Variants in NRXN1 observed in about 807,000 individuals in gnomAD.
The protein encoded by NRXN1 is neurexin 1, also known as neurexin-1.
Under a neutral mutation model 150.9 loss-of-function variants are expected in NRXN1, and 39 were observed. That is an observed-to-expected ratio of 0.26 (90% CI 0.20 to 0.34). The LOEUF is 0.34. Ranked by LOEUF, NRXN1 falls within the 10% of genes least tolerant of loss-of-function variation. The probability of loss-of-function intolerance (pLI) is 1.00; values close to 1 mark genes in which losing one functional copy is unlikely to be tolerated. For missense variants in NRXN1, 1,815 were observed against 1,949.9 expected, an observed-to-expected ratio of 0.93 and a Z score of 1.30; for synonymous variants, 924 against 757.0, an observed-to-expected ratio of 1.22 and a Z score of -3.62.
intron 5 of NRXN1, among the ~76,000 whole-genome samples, chr2:50,891,519 A>G (rs930125233): frequency 5.3e-5 from 8 of 152,100 alleles, no homozygotes. Flanking sequence ...GACCTTGCTG[A>G]GGATTATGCT....
chr2:50,010,053 TCACACAA>T (rs1685403953), intron 21 of NRXN1, among the ~76,000 whole-genome samples: 2 of 151,990 alleles, frequency 1.3e-5, no homozygotes, highest in Non-Finnish European at 2.9e-5. Flanking sequence ...TACAACTACA[TCACACAA>T]TTTGTTTTCT....
At chr2:50,866,630 T>C (rs1158617860) in intron 5 of NRXN1, among the ~76,000 whole-genome samples, 5 of 151,924 alleles carry the variant, frequency 3.3e-5, no homozygotes, top group Non-Finnish European at 5.9e-5. Context: ...CACGCCTCTT[T>C]AAGGGCAAGT....
At chr2:50,934,325 T>C (rs1544692) in intron 2 of NRXN1, among the ~76,000 whole-genome samples, 39,089 of 152,078 alleles carry the variant, frequency 0.26, 6,842 homozygotes, top group East Asian at 0.63. Context: ...ATGACCACTT[T>C]TCCTATAAAC....
At chr2:50,801,935 T>G (rs1412156955) in intron 5 of NRXN1, among the ~76,000 whole-genome samples, 1 of 152,208 alleles carries the variant, frequency 6.6e-6, no homozygotes, top group Non-Finnish European at 1.5e-5. Flanking sequence ...CAAGTATATG[T>G]GACCAAAGGT....
intron 5 of NRXN1, among the ~76,000 whole-genome samples, chr2:50,802,503 AAGGAAGGAAGGAAGGAAGGAAGG>A (rs1707743760): frequency 1.2e-3 from 97 of 77,964 alleles, no homozygotes; most frequent in Middle Eastern, 6.1e-3. Context: ...AGAGAAATGG[AAGGAAGGAAGGAAGGAAGGAAGG>A]AAGGAAGGAA....
intron 5 of NRXN1, among the ~76,000 whole-genome samples, chr2:50,701,584 C>T: frequency 6.6e-6 from 1 of 152,172 alleles, no homozygotes; most frequent in East Asian, 1.9e-4. Flanking sequence ...TACCTACCAT[C>T]ATTTATTATT....
chr2:50,633,562 A>C (rs577478822), intron 5 of NRXN1, among the ~76,000 whole-genome samples: 1 of 152,080 alleles, frequency 6.6e-6, no homozygotes, highest in East Asian at 1.9e-4. Context: ...TATTAAAATA[A>C]TGCAAAGAAG....
At chr2:50,112,014 G>T (rs910311638) in intron 18 of NRXN1, among the ~76,000 whole-genome samples, 2 of 151,584 alleles carry the variant, frequency 1.3e-5, no homozygotes, top group African/African-American at 4.9e-5. Context: ...CATCAAAATT[G>T]TCTGAGTTTT....
At chr2:50,566,000 T>C (rs1669787080) in intron 8 of NRXN1, among the ~76,000 whole-genome samples, 1 of 152,182 alleles carries the variant, frequency 6.6e-6, no homozygotes, top group South Asian at 2.1e-4. Context: ...AGTATCATTT[T>C]CCTGCTGTAT....
chr2:50,191,606 T>A (rs1359387475), intron 18 of NRXN1, among the ~76,000 whole-genome samples: 1 of 152,162 alleles, frequency 6.6e-6, no homozygotes, highest in Non-Finnish European at 1.5e-5. Context: ...TCCTTGAGAC[T>A]TGTCAAATCA....
At chr2:50,428,594 G>A (rs1016667015) in intron 17 of NRXN1, among the ~76,000 whole-genome samples, 1 of 152,106 alleles carries the variant, frequency 6.6e-6, no homozygotes, top group Non-Finnish European at 1.5e-5. Context: ...TTTCCAAGAA[G>A]ACATACCTTA....
intron 2 of NRXN1, among the ~76,000 whole-genome samples, chr2:50,936,790 G>A (rs1488912648): frequency 6.6e-6 from 1 of 151,894 alleles, no homozygotes; most frequent in Non-Finnish European, 1.5e-5. Context: ...CTTTAAATAG[G>A]CCTAATAATA....
intron 22 of NRXN1, among the ~76,000 whole-genome samples, chr2:49,940,255 C>T (rs915535669): frequency 6.6e-6 from 1 of 152,126 alleles, no homozygotes; most frequent in African/African-American, 2.4e-5. Context: ...AGCAAATGTG[C>T]ATAGAAGATA....
intron 19 of NRXN1, among the ~76,000 whole-genome samples, chr2:50,064,533 C>T (rs946788527): frequency 6.6e-6 from 1 of 151,640 alleles, no homozygotes; most frequent in Non-Finnish European, 1.5e-5. Context: ...TGACTGTGTA[C>T]AAGAAACAGT....
At position 50,771,331 on chromosome 2, in the gene NRXN1, TA is replaced by T. The variant is rs767501904; in HGVS notation, c.833-147717del. ...TATTCAACTGCTTGAGAACTTACAA[TA>T]AAAAAAAATAAATTATTCATTGCAA... is the stretch of plus-strand genomic sequence containing the variant. On this transcript the variant is annotated intron_variant, in intron 5 of 22. Transcript: ENST00000401669. 3.4e-4 allele frequency among the ~76,000 whole-genome samples: 51 copies of T among 151,090 alleles called. 1 individual carries two copies. The highest frequency in any genetic ancestry group is 1.1e-3 in the African/African-American group (47 of 41,246).
intron 21 of NRXN1, among the ~76,000 whole-genome samples, chr2:50,051,106 A>G (rs1239526760): frequency 6.6e-6 from 1 of 152,004 alleles, no homozygotes; most frequent in Non-Finnish European, 1.5e-5. Context: ...AGCTTATAAT[A>G]AAAGAGGCTC....
chr2:50,096,883 A>G (rs1700299871), intron 18 of NRXN1, among the ~76,000 whole-genome samples: 1 of 152,226 alleles, frequency 6.6e-6, no homozygotes, highest in Admixed American at 6.5e-5. Context: ...ATGAAATAAC[A>G]TATGCACTTG....
At chr2:50,501,644 A>T (rs77316290) in intron 13 of NRXN1, among the ~76,000 whole-genome samples, 1,457 of 66,134 alleles carry the variant, frequency 0.022, 18 homozygotes, top group African/African-American at 0.057. Context: ...CACACAGATT[A>T]AAAAAAAAAA....
At chr2:51,019,774 T>A (rs1669305687) in intron 2 of NRXN1, among the ~76,000 whole-genome samples, 1 of 152,060 alleles carries the variant, frequency 6.6e-6, no homozygotes, top group Admixed American at 6.6e-5. Flanking sequence ...AGAACCTATG[T>A]TTTATTTCTA....
Sources: allele counts gnomAD v4.1 joint callset (sites outside exome capture counted in the v4.1 genomes callset), GRCh38; gene constraint gnomAD v4.1.1; transcripts MANE v1.5; gene names NCBI Gene and HGNC (gene_info 2026-07-23, HGNC 2026-07-21).